The following CSNK2A1 variants were observed in gnomAD, a reference collection of about 807,000 sequenced individuals.
The protein encoded by CSNK2A1 is casein kinase II subunit alpha.
CSNK2A1 carries 10 observed loss-of-function variants against 62.9 expected under a neutral mutation model. The ratio of observed to expected loss-of-function variants is 0.16; its 90% confidence interval spans 0.10 to 0.27. The LOEUF is 0.27. Ranked by LOEUF, CSNK2A1 falls within the 10% of genes least tolerant of loss-of-function variation. The pLI, the probability that CSNK2A1 is intolerant of heterozygous loss-of-function variation, is 1.00. For missense variants in CSNK2A1, 160 were observed against 492.0 expected (o/e 0.33, Z 6.38); for synonymous variants, 124 against 167.8 (o/e 0.74, Z 2.02).
Position 480,968 on chromosome 20 carries a change from C to T in CSNK2A1, c.*2993G>A, listed in dbSNP as rs1418207713. 2 of 152,196 alleles carry T rather than the reference C, an allele frequency of 1.3e-5. No homozygotes were observed. The highest frequency in any genetic ancestry group is 2.9e-5 in the Non-Finnish European group (2 of 68,040). 9.4% of individuals were successfully genotyped at this position (152,196 alleles called of 1,614,324 possible). A position where few individuals can be genotyped will look rare whatever the true frequency, so the allele number is the denominator to read the frequency against. ...ACAAGATATATTCCTCTGACAGTCC[C>T]ACTCTAACAATTTAATCTATCTTAT... is the stretch of plus-strand genomic sequence containing the variant. On this transcript the variant is annotated 3_prime_UTR_variant, in exon 14 of 14. Transcript: ENST00000217244.
At chr20:528,397 A>G (rs1813680366) in intron 1 of CSNK2A1, among the ~76,000 whole-genome samples, 1 of 152,114 alleles carries the variant, frequency 6.6e-6, no homozygotes, top group African/African-American at 2.4e-5. Flanking sequence ...AATTCTGAAG[A>G]TATTATGTGA....
intron 2 of CSNK2A1, among the ~76,000 whole-genome samples, chr20:524,915 A>G (rs1428147672): frequency 6.6e-6 from 1 of 152,054 alleles, no homozygotes; most frequent in Non-Finnish European, 1.5e-5. Flanking sequence ...TGAGTTCGTG[A>G]CCAGCCTGGG....
chr20:477,926 CCA>C lies in CSNK2A1; in HGVS notation c.*6033_*6034del, dbSNP rs1211985957. 5 of 152,082 alleles carry C rather than the reference CCA, an allele frequency of 3.3e-5. No homozygotes were observed. The highest frequency in any genetic ancestry group is 3.3e-4 in the Admixed American group (5 of 15,266). The allele number at this position is 152,082 out of a possible 1,614,324, so 9.4% of individuals were successfully genotyped here. ...CAAAACAAAACAAAACAAAAAAACC[CCA>C]GTTACATTCAGGATGAATTCTGCCT... On this transcript the variant is annotated 3_prime_UTR_variant, in exon 14 of 14. Coordinates refer to ENST00000217244, the MANE Select transcript of CSNK2A1 (RefSeq NM_177559.3).
intron 2 of CSNK2A1, among the ~76,000 whole-genome samples, chr20:512,965 T>C (rs7267034): frequency 0.1 from 15,856 of 152,214 alleles, 1,109 homozygotes; most frequent in Non-Finnish European, 0.15. Flanking sequence ...TGTTGTAGGA[T>C]TGGTGACTCT....
chr20:495,684 G>C, intron 8 of CSNK2A1, 35 bp downstream of exon 8: 1 of 1,576,180 alleles, frequency 6.3e-7, no homozygotes, highest in Non-Finnish European at 8.7e-7. Flanking sequence ...GCTACATCAT[G>C]TAGATAAATA....
intron 11 of CSNK2A1, 46 bp downstream of exon 11, chr20:488,632 C>G (rs2018151534): frequency 6.3e-7 from 1 of 1,584,736 alleles, no homozygotes; most frequent in Non-Finnish European, 8.6e-7. Flanking sequence ...AGTTCACTCT[C>G]AAAGTGCTTA....
chr20:503,397 G>A, intron 4 of CSNK2A1: 1 of 398,206 alleles, frequency 2.5e-6, no homozygotes, highest in Non-Finnish European at 4.4e-6. Context: ...TTCCAACCTA[G>A]TTCTCTTTCT....
rs528405873 is a variant in CSNK2A1 at position 479,248 on chromosome 20, T to C, written c.*4713A>G. ...ACATAGTCTGCACAACTGTACAATT[T>C]AGAAGAGAAACCAACATTTGGTGTA... On this transcript the variant is annotated 3_prime_UTR_variant, in exon 14 of 14. Transcript: ENST00000217244. 1 of 152,340 alleles carries C rather than the reference T, an allele frequency of 6.6e-6. No homozygotes were observed. Among genetic ancestry groups the C allele is most frequent in the Non-Finnish European group, 1.5e-5 (1 of 68,036 alleles). The allele number at this position is 152,340 out of a possible 1,614,324, so 9.4% of individuals were successfully genotyped here. A position where few individuals can be genotyped will look rare whatever the true frequency, so the allele number is the denominator to read the frequency against.
At chr20:493,920 T>C (rs933540936) in intron 8 of CSNK2A1, among the ~76,000 whole-genome samples, 1 of 152,222 alleles carries the variant, frequency 6.6e-6, no homozygotes, top group African/African-American at 2.4e-5. Context: ...TGTGTCATAC[T>C]TCTTTCCTTT....
rs2018654076 is a variant in CSNK2A1 at position 508,626 on chromosome 20, G to T, written c.-75C>A. The T allele has an allele frequency of 1.0e-5, 15 of 1,467,378 alleles. No individual in the cohort carries two copies. The Admixed American group carries it at 2.9e-4, about 28-fold the overall frequency. The allele number at this position is 1,467,378 out of a possible 1,614,324, so 90.9% of individuals were successfully genotyped here. Reference sequence around the variant, plus strand: ...AGTCACTGTGTTCAGAAGCAGCTGGGGGTAAGACCTTGTTTCAGACCTGTT... The same window carrying T: ...AGTCACTGTGTTCAGAAGCAGCTGGTGGTAAGACCTTGTTTCAGACCTGTT... On this transcript the variant is annotated 5_prime_UTR_variant, in exon 3 of 14. Coordinates refer to ENST00000217244, the MANE Select transcript of CSNK2A1 (RefSeq NM_177559.3).
chr20:490,241 G>GGC (rs200768189), intron 9 of CSNK2A1, among the ~76,000 whole-genome samples: 2,942 of 149,522 alleles, frequency 0.02, 91 homozygotes, highest in African/African-American at 0.066. Context: ...ACGTTGGCCA[G>GGC]TGGTCTCAAA....
At chr20:509,854 G>A (rs1296024398) in intron 2 of CSNK2A1, among the ~76,000 whole-genome samples, 1 of 152,188 alleles carries the variant, frequency 6.6e-6, no homozygotes, top group African/African-American at 2.4e-5. Context: ...TGAGATCACA[G>A]ATGTGAGCCA....
At chr20:487,800 A>T (rs2018130703) in intron 11 of CSNK2A1, 1 of 593,528 alleles carries the variant, frequency 1.7e-6, no homozygotes, top group African/African-American at 1.9e-5. Context: ...AGTCCTCTCA[A>T]TTTTAAGAAA....
chr20:520,794 T>C (rs2018929221), intron 2 of CSNK2A1, among the ~76,000 whole-genome samples: 1 of 152,202 alleles, frequency 6.6e-6, no homozygotes, highest in African/African-American at 2.4e-5. Context: ...TAATCTTTTC[T>C]ATAAATTGTT....
intron 1 of CSNK2A1, 98 bp downstream of exon 1, chr20:543,574 A>G (rs1238927495): frequency 2.5e-6 from 1 of 396,840 alleles, no homozygotes; most frequent in African/African-American, 2.1e-5. Flanking sequence ...CGGGCCGCTC[A>G]GGAGTCTGCT....
intron 8 of CSNK2A1, 69 bp downstream of exon 8, chr20:495,650 T>TA (rs1176456055): frequency 5.2e-6 from 7 of 1,338,260 alleles, no homozygotes; most frequent in Middle Eastern, 3.6e-4. Flanking sequence ...ACACAAGGGA[T>TA]AAAGTGTTGA....
intron 13 of CSNK2A1, 52 bp downstream of exon 13, chr20:486,324 A>G (rs1395318845): frequency 1.2e-6 from 2 of 1,603,968 alleles, no homozygotes; most frequent in South Asian, 1.1e-5. Flanking sequence ...CAAAGCTAAG[A>G]ACAGTAATTG....
intron 2 of CSNK2A1, among the ~76,000 whole-genome samples, chr20:525,505 G>A (rs1404824138): frequency 2.6e-5 from 4 of 151,858 alleles, no homozygotes; most frequent in Non-Finnish European, 5.9e-5. Context: ...ACAAAAATTA[G>A]CTGGGCATGG....
Position 524,753 on chromosome 20 carries a change from T to TATATATTA in CSNK2A1, c.-110+3172_-110+3179dup, listed in dbSNP as rs2019040941. Among the ~76,000 whole-genome samples, 6 of 148,008 alleles carry TATATATTA rather than the reference T, an allele frequency of 4.1e-5. No homozygotes were observed. The South Asian group carries it at 1.3e-3, about 32-fold the overall frequency. On this transcript the variant is annotated intron_variant, in intron 2 of 13. Transcript: ENST00000217244. ...AAAGAGATACATCTAAAACATGGGG[T>TATATATTA]ATATATTATATACACGATGTATACA...
Sources: gnomAD v4.1 joint callset for allele counts (sites outside exome capture counted in the v4.1 genomes callset) on GRCh38, gnomAD v4.1.1 for gene constraint, MANE v1.5 for transcripts, NCBI Gene and HGNC (gene_info 2026-07-23, HGNC 2026-07-21) for gene names.